GPC6: variants seen among roughly 807,000 people sequenced by gnomAD.
GPC6 encodes the protein glypican-6.
Under a neutral mutation model 55.2 loss-of-function variants are expected in GPC6, and 14 were observed. The observed-to-expected ratio is 0.25, with a 90% confidence interval of 0.17 to 0.40. GPC6 has a LOEUF of 0.40. GPC6 is among the 10% of genes least tolerant of loss of function. The pLI is 1.00. For synonymous variants in GPC6, 278 were observed against 259.6 expected, an observed-to-expected ratio of 1.07 and a Z score of -0.68; for missense variants, 641 against 708.5, an observed-to-expected ratio of 0.90 and a Z score of 1.08.
intron 3 of GPC6, among the ~76,000 whole-genome samples, chr13:93,921,796 T>A (rs1877589605): frequency 6.6e-6 from 1 of 151,838 alleles, no homozygotes; most frequent in African/African-American, 2.4e-5. Context: ...CATTACCAGG[T>A]TTCCAGGCTT....
intron 2 of GPC6, among the ~76,000 whole-genome samples, chr13:93,687,827 C>T (rs1882106779): frequency 6.6e-6 from 1 of 151,864 alleles, no homozygotes; most frequent in African/African-American, 2.4e-5. Flanking sequence ...GCCCACTTAA[C>T]CCTTTCATCC....
At chr13:93,420,289 T>C (rs1876879398) in intron 1 of GPC6, among the ~76,000 whole-genome samples, 1 of 152,180 alleles carries the variant, frequency 6.6e-6, no homozygotes, top group Non-Finnish European at 1.5e-5. Flanking sequence ...CCTAGTTTGC[T>C]CTCTGATCCC....
chr13:93,748,593 A>C (rs1191391854), intron 2 of GPC6, among the ~76,000 whole-genome samples: 1 of 152,098 alleles, frequency 6.6e-6, no homozygotes, highest in African/African-American at 2.4e-5. Context: ...GTTTCATCCT[A>C]TATCTTATTC....
At chr13:93,863,382 A>G (rs1449315865) in intron 3 of GPC6, among the ~76,000 whole-genome samples, 1 of 151,694 alleles carries the variant, frequency 6.6e-6, no homozygotes, top group Non-Finnish European at 1.5e-5. Context: ...CATGTTCACC[A>G]ATTTCTGTTG....
At chr13:93,760,840 CATCT>C (rs1884931267) in intron 2 of GPC6, among the ~76,000 whole-genome samples, 1 of 152,164 alleles carries the variant, frequency 6.6e-6, no homozygotes. Context: ...AACTGCTCAG[CATCT>C]TTTAAAGTTT....
intron 6 of GPC6, among the ~76,000 whole-genome samples, chr13:94,380,919 G>A (rs912670799): frequency 6.6e-6 from 1 of 152,092 alleles, no homozygotes; most frequent in Admixed American, 6.6e-5. Context: ...TTTTTGATGA[G>A]TAGAGGCCAG....
intron 2 of GPC6, among the ~76,000 whole-genome samples, chr13:93,751,158 A>AAAACAAAC (rs75613000): frequency 7.6e-4 from 115 of 150,580 alleles, no homozygotes; most frequent in Middle Eastern, 3.5e-3. Context: ...CAAAAAAAGA[A>AAAACAAAC]AAACAAACAA....
At chr13:93,517,019 G>A (rs996178884) in intron 1 of GPC6, among the ~76,000 whole-genome samples, 2 of 152,126 alleles carry the variant, frequency 1.3e-5, no homozygotes, top group African/African-American at 2.4e-5. Context: ...TGCTAGAAAA[G>A]CAAGATGTGG....
At chr13:94,150,292 T>A (rs1161480862) in intron 4 of GPC6, among the ~76,000 whole-genome samples, 2 of 152,130 alleles carry the variant, frequency 1.3e-5, no homozygotes, top group African/African-American at 4.8e-5. Flanking sequence ...CCTGTATTAT[T>A]GCAGCAAGGA....
At chr13:93,788,019 A>C (rs1045562416) in intron 2 of GPC6, among the ~76,000 whole-genome samples, 2 of 152,224 alleles carry the variant, frequency 1.3e-5, no homozygotes, top group South Asian at 2.1e-4. Context: ...AGATTGATAG[A>C]TTACTCATTC....
At chr13:93,747,982 C>T (rs961726498) in intron 2 of GPC6, among the ~76,000 whole-genome samples, 1 of 152,062 alleles carries the variant, frequency 6.6e-6, no homozygotes, top group Non-Finnish European at 1.5e-5. Flanking sequence ...CATAGTATGA[C>T]TTGATAATAG....
chr13:94,089,191 G>A (rs980484786), intron 4 of GPC6, among the ~76,000 whole-genome samples: 2 of 152,134 alleles, frequency 1.3e-5, no homozygotes, highest in African/African-American at 2.4e-5. Flanking sequence ...CTTAAAGCCC[G>A]TGAGTAAGAA....
intron 3 of GPC6, among the ~76,000 whole-genome samples, chr13:93,842,900 AAAG>A (rs1429138659): frequency 6.6e-6 from 1 of 152,170 alleles, no homozygotes; most frequent in African/African-American, 2.4e-5. Flanking sequence ...AGAAAAGTAC[AAAG>A]AAGAAAATAA....
intron 4 of GPC6, among the ~76,000 whole-genome samples, chr13:94,243,564 G>C (rs1455345630): frequency 3.9e-5 from 6 of 152,042 alleles, no homozygotes; most frequent in African/African-American, 7.2e-5. Context: ...TTATACTCCT[G>C]AGCTTTCACT....
chr13:94,083,971 G>C (rs1177518440), intron 4 of GPC6, among the ~76,000 whole-genome samples: 1 of 152,090 alleles, frequency 6.6e-6, no homozygotes. Flanking sequence ...GTGGAATAAG[G>C]AATAACTTAA....
intron 4 of GPC6, among the ~76,000 whole-genome samples, chr13:94,261,530 A>G (rs1409287418): frequency 1.3e-5 from 2 of 152,222 alleles, no homozygotes; most frequent in African/African-American, 4.8e-5. Context: ...AATTTTTAAA[A>G]ATCACAATGA....
intron 2 of GPC6, among the ~76,000 whole-genome samples, chr13:93,805,242 T>G (rs529783913): frequency 2.0e-5 from 3 of 152,280 alleles, no homozygotes; most frequent in African/African-American, 7.2e-5. Context: ...TAATCTCTAT[T>G]AAATCTATAC....
intron 1 of GPC6, among the ~76,000 whole-genome samples, chr13:93,308,154 G>A (rs1027450049): frequency 9.2e-5 from 14 of 152,120 alleles, no homozygotes; most frequent in African/African-American, 2.9e-4. Context: ...GCCTGGTGGC[G>A]GGCGCCTGCA....
At chr13:93,948,231 A>G (rs943830238) in intron 3 of GPC6, among the ~76,000 whole-genome samples, 1 of 152,178 alleles carries the variant, frequency 6.6e-6, no homozygotes, top group Non-Finnish European at 1.5e-5. Flanking sequence ...CCATTAAATG[A>G]TTATATTCCT....
Sources: gnomAD v4.1 joint callset for allele counts (sites outside exome capture counted in the v4.1 genomes callset) on GRCh38, gnomAD v4.1.1 for gene constraint, MANE v1.5 for transcripts, NCBI Gene and HGNC (gene_info 2026-07-23, HGNC 2026-07-21) for gene names.